NAALADL2: variants seen among roughly 807,000 people sequenced by gnomAD.
NAALADL2 encodes the protein N-acetylated alpha-linked acidic dipeptidase like 2, also known as inactive N-acetylated-alpha-linked acidic dipeptidase-like protein 2.
In NAALADL2, 76 loss-of-function variants were observed where a neutral mutation model predicts 87.2. That is an observed-to-expected ratio of 0.87 (90% confidence interval 0.72 to 1.05). The LOEUF (loss-of-function observed/expected upper bound fraction) is 1.05, where lower values mean the gene tolerates loss of function less well. Among genes scored for constraint, NAALADL2 ranks in the 50% least tolerant of loss-of-function variants. The pLI, the probability that NAALADL2 is intolerant of heterozygous loss-of-function variation, is 0.00. For missense variants in NAALADL2, 1,089 were observed against 945.8 expected (o/e 1.15, Z -1.99); for synonymous variants, 354 against 331.0 (o/e 1.07, Z -0.75).
chr3:175,028,032 C>T (rs1752412016), intron 1 of NAALADL2, among the ~76,000 whole-genome samples: 1 of 151,964 alleles, frequency 6.6e-6, no homozygotes, highest in African/African-American at 2.4e-5. Context: ...TGAAATTAAC[C>T]TTCAGAAACT....
At chr3:175,651,945 A>G (rs964028760) in intron 11 of NAALADL2, among the ~76,000 whole-genome samples, 1 of 152,202 alleles carries the variant, frequency 6.6e-6, no homozygotes, top group Non-Finnish European at 1.5e-5. Flanking sequence ...TTCTTTCTGA[A>G]TTTGCTCATG....
intron 3 of NAALADL2, among the ~76,000 whole-genome samples, chr3:174,814,970 T>C (rs1057124506): frequency 1.3e-5 from 2 of 152,228 alleles, no homozygotes; most frequent in African/African-American, 4.8e-5. Context: ...ATGTCAGACC[T>C]GTTCTGTGAC....
chr3:175,619,008 C>T (rs1253352723), intron 10 of NAALADL2, among the ~76,000 whole-genome samples: 1 of 152,106 alleles, frequency 6.6e-6, no homozygotes, highest in African/African-American at 2.4e-5. Flanking sequence ...ATCTGATTTT[C>T]TTTTAGGGCT....
intron 9 of NAALADL2, among the ~76,000 whole-genome samples, chr3:175,563,774 G>A (rs1422841660): frequency 2.0e-5 from 3 of 152,142 alleles, no homozygotes; most frequent in African/African-American, 7.2e-5. Flanking sequence ...GTCCGACCAA[G>A]GTAATGGCCC....
At chr3:175,759,532 A>G (rs1747719694) in intron 13 of NAALADL2, among the ~76,000 whole-genome samples, 1 of 151,454 alleles carries the variant, frequency 6.6e-6, no homozygotes, top group African/African-American at 2.4e-5. Flanking sequence ...TCATTTTTGT[A>G]TTTTTAGTAG....
At chr3:175,432,634 A>G (rs887468195) in intron 5 of NAALADL2, among the ~76,000 whole-genome samples, 17 of 151,958 alleles carry the variant, frequency 1.1e-4, no homozygotes, top group African/African-American at 3.6e-4. Flanking sequence ...CAGCTCCCCT[A>G]CAGTCATTTT....
intron 1 of NAALADL2, among the ~76,000 whole-genome samples, chr3:174,544,020 A>G (rs1313611946): frequency 1.3e-5 from 2 of 151,818 alleles, no homozygotes; most frequent in Admixed American, 1.3e-4. Context: ...AAAAAAAAAA[A>G]AAGAAAAGAA....
At chr3:174,717,917 G>A (rs1336995683) in intron 2 of NAALADL2, among the ~76,000 whole-genome samples, 1 of 152,074 alleles carries the variant, frequency 6.6e-6, no homozygotes, top group Non-Finnish European at 1.5e-5. Flanking sequence ...CCTGAAGTCA[G>A]GAGTTCGAGA....
chr3:175,773,695 G>A (rs888128962), intron 13 of NAALADL2: 2 of 152,072 alleles, frequency 1.3e-5, no homozygotes, highest in Non-Finnish European at 2.9e-5. Flanking sequence ...AACGTTTGCT[G>A]AGAGATCTTT....
chr3:175,462,463 A>G (rs1280485324), intron 6 of NAALADL2, among the ~76,000 whole-genome samples: 1 of 152,120 alleles, frequency 6.6e-6, no homozygotes, highest in Non-Finnish European at 1.5e-5. Flanking sequence ...GAAAGAAGTA[A>G]TATATTTATT....
chr3:175,319,578 G>A (rs574975827), intron 4 of NAALADL2, among the ~76,000 whole-genome samples: 34 of 152,234 alleles, frequency 2.2e-4, no homozygotes, highest in African/African-American at 7.2e-4. Context: ...CCAGCCCTTC[G>A]GGAGGCCGAG....
chr3:174,595,744 C>T (rs556165194), intron 2 of NAALADL2, among the ~76,000 whole-genome samples: 2 of 152,320 alleles, frequency 1.3e-5, no homozygotes, highest in African/African-American at 2.4e-5. Context: ...GGTGCGGTGG[C>T]TCATGCCTGT....
At chr3:174,525,526 G>A (rs1274209532) in intron 1 of NAALADL2, among the ~76,000 whole-genome samples, 1 of 152,132 alleles carries the variant, frequency 6.6e-6, no homozygotes, top group African/African-American at 2.4e-5. Context: ...AACCATTTAT[G>A]AGGGATTCAC....
intron 10 of NAALADL2, among the ~76,000 whole-genome samples, chr3:175,586,867 A>G (rs1720611114): frequency 6.6e-6 from 1 of 152,240 alleles, no homozygotes; most frequent in Admixed American, 6.5e-5. Flanking sequence ...AAATAATAAC[A>G]TTGGATTAGG....
intron 3 of NAALADL2, among the ~76,000 whole-genome samples, chr3:174,798,164 T>C (rs1175405938): frequency 1.3e-5 from 2 of 152,226 alleles, no homozygotes; most frequent in African/African-American, 2.4e-5. Flanking sequence ...ACCATAAATA[T>C]ATGGGATTAT....
At chr3:174,653,218 C>G (rs1042105211) in intron 2 of NAALADL2, among the ~76,000 whole-genome samples, 20 of 152,168 alleles carry the variant, frequency 1.3e-4, no homozygotes, top group African/African-American at 4.8e-4. Flanking sequence ...CAGTGATGTT[C>G]ACAGCAGCAT....
chr3:174,775,602 G>GTAAACA (rs10629534), intron 3 of NAALADL2, among the ~76,000 whole-genome samples: 79,758 of 151,420 alleles, frequency 0.53, 21,324 homozygotes, highest in Middle Eastern at 0.63. Flanking sequence ...TAAACCAATG[G>GTAAACA]CTTGTTAAAG....
chr3:174,948,484 A>G (rs1739821380), intron 1 of NAALADL2, among the ~76,000 whole-genome samples: 1 of 152,110 alleles, frequency 6.6e-6, no homozygotes, highest in Non-Finnish European at 1.5e-5. Flanking sequence ...GCAAGAATTT[A>G]TTTTTTTATG....
intron 11 of NAALADL2, among the ~76,000 whole-genome samples, chr3:175,670,683 G>C (rs1221045587): frequency 2.0e-5 from 3 of 149,950 alleles, no homozygotes; most frequent in Admixed American, 6.7e-5. Flanking sequence ...TTTAAGTTTT[G>C]TTTAAATGAA....
Sources: gnomAD v4.1 joint callset for allele counts (sites outside exome capture counted in the v4.1 genomes callset) on GRCh38, gnomAD v4.1.1 for gene constraint, MANE v1.5 for transcripts, NCBI Gene and HGNC (gene_info 2026-07-23, HGNC 2026-07-21) for gene names.